The following GZMA variants were observed in gnomAD, a reference collection of about 807,000 sequenced individuals.
The protein encoded by GZMA is granzyme A.
GZMA carries 17 observed loss-of-function variants against 21.1 expected under a neutral mutation model. The ratio of observed to expected loss-of-function variants is 0.81; its 90% CI spans 0.55 to 1.21. GZMA has a LOEUF of 1.21. GZMA is among the 50% of genes most tolerant of loss of function. The pLI is 0.00. For synonymous variants in GZMA, 90 were observed against 107.8 expected (o/e 0.83, Z 1.03); for missense variants, 306 against 315.9 (o/e 0.97, Z 0.24).
chr5:55,103,006 T>C (rs1006818463), intron 1 of GZMA, among the ~76,000 whole-genome samples: 1 of 151,794 alleles, frequency 6.6e-6, no homozygotes, highest in Non-Finnish European at 1.5e-5. Flanking sequence ...TATTTTTTTT[T>C]TTTAAATAGC....
At position 55,105,332 on chromosome 5, in the gene GZMA, A is replaced by G. The variant is rs1044414714; in HGVS notation, c.71-142A>G. ...ATTTGCATCAGATGTCTGCGGGTCTACATAGAGTAAAAGCAGGGGAAATGC... is the reference window on the plus strand; with the variant it reads ...ATTTGCATCAGATGTCTGCGGGTCTGCATAGAGTAAAAGCAGGGGAAATGC... On this transcript the variant is annotated intron_variant, in intron 1 of 4. Coordinates refer to ENST00000274306, the MANE Select transcript of GZMA (RefSeq NM_006144.4). 4.5e-6 allele frequency: 3 copies of G among 665,960 alleles called. No individual in the cohort carries two copies. The African/African-American group carries it at 5.5e-5, about 12-fold the overall frequency. The allele number at this position is 665,960 out of a possible 1,614,324, so 41.3% of individuals were successfully genotyped here. A position where few individuals can be genotyped will look rare whatever the true frequency, so the allele number is the denominator to read the frequency against.
At chr5:55,102,950 G>A (rs141887203) in intron 1 of GZMA, among the ~76,000 whole-genome samples, 198 bp downstream of exon 1, 20 of 151,930 alleles carry the variant, frequency 1.3e-4, no homozygotes, top group African/African-American at 3.1e-4. Context: ...TCACTTGAGC[G>A]CAGGAGTTTG....
chr5:55,106,438 T>C (rs1742420269), intron 2 of GZMA, among the ~76,000 whole-genome samples: 1 of 152,134 alleles, frequency 6.6e-6, no homozygotes, highest in African/African-American at 2.4e-5. Flanking sequence ...TAAAAGGAAG[T>C]TAGGCCCACA....
chr5:55,103,186 C>T (rs966204692), intron 1 of GZMA, among the ~76,000 whole-genome samples: 3 of 152,086 alleles, frequency 2.0e-5, no homozygotes, highest in Non-Finnish European at 4.4e-5. Context: ...CTCTCTTGTT[C>T]GTAAAACAAA....
Position 55,110,220 on chromosome 5 carries a change from T to G in GZMA, c.*38T>G. The G allele has an allele frequency of 1.4e-6, 2 of 1,453,072 alleles. No individual in the cohort carries two copies. Among genetic ancestry groups the G allele is most frequent in the Non-Finnish European group, 1.9e-6 (2 of 1,065,898 alleles). The allele number at this position is 1,453,072 out of a possible 1,614,324, so 90.0% of individuals were successfully genotyped here. A position where few individuals can be genotyped will look rare whatever the true frequency, so the allele number is the denominator to read the frequency against. ...TTTCATTTACTGTGGCTTCTTAATC[T>G]TTTCACAAATAAAATCAATTTGCAT... is the stretch of plus-strand genomic sequence containing the variant. On this transcript the variant is annotated 3_prime_UTR_variant, in exon 5 of 5. Transcript: ENST00000274306.
intron 1 of GZMA, 84 bp from the exon 2 acceptor site, chr5:55,105,390 G>A: frequency 8.2e-7 from 1 of 1,226,440 alleles, no homozygotes; most frequent in Non-Finnish European, 1.2e-6. Flanking sequence ...AGTGCAAAAA[G>A]CATGGCTGGT....
intron 1 of GZMA, 42 bp from the exon 2 acceptor site, chr5:55,105,432 G>C: frequency 1.3e-6 from 2 of 1,579,786 alleles, no homozygotes; most frequent in Non-Finnish European, 1.7e-6. Context: ...AGAGCTCTTT[G>C]GGGGTGAGCA....
chr5:55,103,704 A>C (rs912390040), intron 1 of GZMA, among the ~76,000 whole-genome samples: 4 of 152,138 alleles, frequency 2.6e-5, no homozygotes, highest in African/African-American at 9.7e-5. Context: ...ATTCCCAAAG[A>C]ACTCTGGTTT....
At position 55,108,310 on chromosome 5, in the gene GZMA, T is replaced by A; in HGVS notation, c.543T>A (p.Asp181Glu). ...ITIIDRKVCN[D>E]RNHYNFNPVI... is the part of the protein sequence containing the mutation. ...TCATAGACAGAAAAGTCTGCAATGA[T>A]CGAAATCACTATAATTTTAACCCTG... The change falls in exon 4 of 5, where the codon GAT becomes GAA. Residue 181 changes from aspartate to glutamate, a missense_variant. Asp to Glu is a conservative substitution (Grantham distance 45). Coordinates refer to ENST00000274306, the MANE Select transcript of GZMA (RefSeq NM_006144.4). 1 of 1,613,572 alleles carries A rather than the reference T, an allele frequency of 6.2e-7. No homozygotes were observed. The highest frequency in any genetic ancestry group is 8.5e-7 in the Non-Finnish European group (1 of 1,179,560).
intron 3 of GZMA, 37 bp from the exon 4 acceptor site, chr5:55,108,088 C>T: frequency 6.7e-7 from 1 of 1,495,246 alleles, no homozygotes; most frequent in Non-Finnish European, 9.3e-7. Flanking sequence ...AAATATTTAT[C>T]TTATCCCATT....
chr5:55,108,091 A>C, intron 3 of GZMA, 34 bp from the exon 4 acceptor site: 1 of 1,500,318 alleles, frequency 6.7e-7, no homozygotes, highest in South Asian at 1.2e-5. Context: ...TATTTATCTT[A>C]TCCCATTAAC....
At chr5:55,105,694 C>A in intron 2 of GZMA, 76 bp downstream of exon 2, 1 of 1,307,196 alleles carries the variant, frequency 7.6e-7, no homozygotes, top group Non-Finnish European at 1.1e-6. Flanking sequence ...AAGAGTAGGC[C>A]GGGCACAGTG....
At chr5:55,102,950 G>T (rs141887203) in intron 1 of GZMA, among the ~76,000 whole-genome samples, 198 bp downstream of exon 1, 3 of 151,930 alleles carry the variant, frequency 2.0e-5, no homozygotes, top group Non-Finnish European at 2.9e-5. Flanking sequence ...TCACTTGAGC[G>T]CAGGAGTTTG....
At chr5:55,108,514 A>C in intron 4 of GZMA, 120 bp downstream of exon 4, 1 of 757,658 alleles carries the variant, frequency 1.3e-6, no homozygotes, top group Non-Finnish European at 2.1e-6. Context: ...GAGCTTTTTG[A>C]AATAAGTTTA....
intron 1 of GZMA, among the ~76,000 whole-genome samples, chr5:55,103,223 G>C (rs1267427163): frequency 6.6e-6 from 1 of 152,104 alleles, no homozygotes; most frequent in Admixed American, 6.5e-5. Context: ...AGGAATAGTG[G>C]CAACTTAGTC....
Position 55,106,298 on chromosome 5 carries a change from A to AAAC in GZMA, c.215+682_215+683insCAA, listed in dbSNP as rs1257636997. ...AAATAAAATAAAATAAAATAAAATA[A>AAAC]AATATAAAATAAAATAAAATATAAA... is the stretch of plus-strand genomic sequence containing the variant. On this transcript the variant is annotated intron_variant, in intron 2 of 4. Transcript: ENST00000274306. Among the ~76,000 whole-genome samples the AAAC allele has an allele frequency of 3.4e-4, 2 of 5,860 alleles. 1 individual carries two copies. Among genetic ancestry groups the AAAC allele is most frequent in the African/African-American group, 5.6e-4 (2 of 3,556 alleles). 3.8% of individuals were successfully genotyped at this position (5,860 alleles called of 152,430 possible).
At chr5:55,108,870 C>T (rs1742457808) in intron 4 of GZMA, among the ~76,000 whole-genome samples, 2 of 152,140 alleles carry the variant, frequency 1.3e-5, no homozygotes, top group African/African-American at 2.4e-5. Context: ...CCAGCCAGAC[C>T]CCATAGCTTC....
chr5:55,103,142 C>T (rs1208346979), intron 1 of GZMA, among the ~76,000 whole-genome samples: 2 of 151,880 alleles, frequency 1.3e-5, no homozygotes, highest in Non-Finnish European at 2.9e-5. Flanking sequence ...TTGAAAATTG[C>T]CAAAAAGGAC....
chr5:55,108,267 G>T lies in GZMA; in HGVS notation c.500G>T (p.Arg167Ile). 1 of 1,613,972 alleles carries T rather than the reference G, an allele frequency of 6.2e-7. No individual in the cohort carries two copies. Among genetic ancestry groups the T allele is most frequent in the South Asian group, 1.1e-5 (1 of 91,074 alleles). ...HNSASWSDTLREVNITIIDRK... is the reference protein window; with the variant it reads ...HNSASWSDTLIEVNITIIDRK... Reference sequence around the variant, plus strand: ...AGTGCATCTTGGTCCGATACTCTGAGAGAAGTCAATATCACCATCATAGAC... The same window carrying T: ...AGTGCATCTTGGTCCGATACTCTGATAGAAGTCAATATCACCATCATAGAC... The change falls in exon 4 of 5, where the codon AGA becomes ATA. Residue 167 changes from arginine (R) to isoleucine (I), a missense_variant. Physicochemically the swap from Arg to Ile is moderately conservative, Grantham distance 97. Coordinates refer to ENST00000274306, the MANE Select transcript of GZMA (RefSeq NM_006144.4).
Sources: allele counts gnomAD v4.1 joint callset (sites outside exome capture counted in the v4.1 genomes callset), GRCh38; gene constraint gnomAD v4.1.1; transcripts MANE v1.5; gene names NCBI Gene and HGNC (gene_info 2026-07-23, HGNC 2026-07-21).